Variants in FAF2 observed in about 807,000 individuals in gnomAD.
FAF2 encodes FAS-associated factor 2.
A neutral mutation model predicts 62.3 loss-of-function variants in FAF2; 9 were observed. That is an observed-to-expected ratio of 0.14 (90% CI 0.09 to 0.25). FAF2 has a LOEUF of 0.25. FAF2 is among the 10% of genes least tolerant of loss of function. FAF2 has a pLI of 1.00. For missense variants in FAF2, 368 were observed against 556.2 expected, an observed-to-expected ratio of 0.66 and a Z score of 3.40; for synonymous variants, 202 against 198.0, an observed-to-expected ratio of 1.02 and a Z score of -0.17.
chr5:176,500,212 G>T, intron 10 of FAF2, 66 bp downstream of exon 10: 1 of 1,494,862 alleles, frequency 6.7e-7, no homozygotes, highest in South Asian at 1.2e-5. Flanking sequence ...AGCTTTTACT[G>T]ACTCTTGAGA....
At chr5:176,466,444 G>C (rs1371515020) in intron 1 of FAF2, among the ~76,000 whole-genome samples, 3 of 152,186 alleles carry the variant, frequency 2.0e-5, no homozygotes, top group African/African-American at 7.2e-5. Context: ...TCTCAGCTGA[G>C]ATTTCACACC....
At position 176,494,244 on chromosome 5, in the gene FAF2, A is replaced by G. The variant is rs141184781; in HGVS notation, c.630A>G (p.Ala210=). Residue 210 remains alanine, a synonymous_variant, in exon 7 of 11, where the codon GCA becomes GCG. Transcript: ENST00000261942. The surrounding 1 kb of genome is among the most constrained non-coding windows in gnomAD (Gnocchi z 4.0). ...TAAACACTAGGATGCTCTTCTGGGC[A>G]TGCTCTACAAACAAACCTGAGGGAT... ...SLINTRMLFW[A]CSTNKPEGYR... 62 of 1,613,914 alleles carry G rather than the reference A, an allele frequency of 3.8e-5. No homozygotes were observed. The African/African-American group carries it at 7.2e-4, about 19-fold the overall frequency.
At chr5:176,497,963 A>G (rs985594277) in intron 8 of FAF2, among the ~76,000 whole-genome samples, 2 of 152,310 alleles carry the variant, frequency 1.3e-5, no homozygotes, top group East Asian at 3.9e-4. Context: ...CAGCCCGGGC[A>G]ACATGGTGAA....
At chr5:176,449,657 A>C (rs971699744) in intron 1 of FAF2, among the ~76,000 whole-genome samples, 2 of 152,200 alleles carry the variant, frequency 1.3e-5, no homozygotes, top group Non-Finnish European at 2.9e-5. Context: ...GTAGACTGCA[A>C]AATGCCCCCA....
chr5:176,504,283 C>T (rs1205389450), intron 10 of FAF2, among the ~76,000 whole-genome samples: 2 of 152,004 alleles, frequency 1.3e-5, no homozygotes, highest in East Asian at 1.9e-4. Flanking sequence ...CGAGACCAGC[C>T]TAATGAAACC....
intron 2 of FAF2, among the ~76,000 whole-genome samples, chr5:176,481,201 C>T (rs1033423803): frequency 1.3e-5 from 2 of 152,074 alleles, no homozygotes; most frequent in Non-Finnish European, 2.9e-5. Flanking sequence ...TGTGCACCAC[C>T]ACGCCCGGCT....
At chr5:176,451,890 ATATTTTTTTTTT>A (rs1473043353) in intron 1 of FAF2, among the ~76,000 whole-genome samples, 4,530 of 34,072 alleles carry the variant, frequency 0.13, 358 homozygotes, top group South Asian at 0.27. Context: ...ATATATATAT[ATATTTTTTTTTT>A]TTTTTTTTTT....
At chr5:176,455,023 G>T (rs921772025) in intron 1 of FAF2, among the ~76,000 whole-genome samples, 1 of 151,946 alleles carries the variant, frequency 6.6e-6, no homozygotes, top group Non-Finnish European at 1.5e-5. Context: ...AGTTTTCATC[G>T]ATACGAAAAC....
chr5:176,484,452 C>T (rs1346452358), intron 2 of FAF2, among the ~76,000 whole-genome samples: 1 of 152,188 alleles, frequency 6.6e-6, no homozygotes, highest in Non-Finnish European at 1.5e-5. Context: ...CAGTTAGTAG[C>T]CGTTATCAGA....
intron 8 of FAF2, among the ~76,000 whole-genome samples, chr5:176,498,358 G>C (rs1755535447): frequency 6.6e-6 from 1 of 152,120 alleles, no homozygotes; most frequent in Non-Finnish European, 1.5e-5. Context: ...GATAAAATCT[G>C]TTCAACTATT....
At chr5:176,471,931 CG>C (rs1431779395) in intron 1 of FAF2, among the ~76,000 whole-genome samples, 1 of 152,024 alleles carries the variant, frequency 6.6e-6, no homozygotes, top group East Asian at 1.9e-4. Flanking sequence ...TCGCCCCCCT[CG>C]GTCTCCCAAA....
intron 2 of FAF2, among the ~76,000 whole-genome samples, chr5:176,481,815 G>A (rs1758787786): frequency 6.6e-6 from 1 of 152,094 alleles, no homozygotes; most frequent in Non-Finnish European, 1.5e-5. Flanking sequence ...TACCACACCG[G>A]GCCCTAGCGT....
chr5:176,459,250 CTTT>C (rs11386560), intron 1 of FAF2, among the ~76,000 whole-genome samples: 140 of 116,436 alleles, frequency 1.2e-3, no homozygotes, highest in African/African-American at 4.3e-3. Context: ...TCCAGTTAAC[CTTT>C]TTTTTTTTTT....
At chr5:176,470,524 C>T (rs1758547736) in intron 1 of FAF2, among the ~76,000 whole-genome samples, 2 of 152,366 alleles carry the variant, frequency 1.3e-5, no homozygotes, top group South Asian at 4.1e-4. Flanking sequence ...TTGTGGTGAG[C>T]CAAGATCGCG....
At chr5:176,451,817 T>TATATATATAC (rs1561813426) in intron 1 of FAF2, among the ~76,000 whole-genome samples, 4 of 7,670 alleles carry the variant, frequency 5.2e-4, no homozygotes, top group African/African-American at 1.1e-3. Context: ...TATACACACA[T>TATATATATAC]ATATATATAT....
At chr5:176,452,338 G>T (rs1035240429) in intron 1 of FAF2, among the ~76,000 whole-genome samples, 1 of 152,096 alleles carries the variant, frequency 6.6e-6, no homozygotes, top group African/African-American at 2.4e-5. Flanking sequence ...GATTACAGGC[G>T]TGAGCCACCG....
chr5:176,466,403 C>A lies in FAF2; in HGVS notation c.64-12785C>A, dbSNP rs960659773. Among the ~76,000 whole-genome samples, 3 of 152,208 alleles carry A rather than the reference C, an allele frequency of 2.0e-5. 1 individual carries two copies. The South Asian group carries it at 6.2e-4, about 31-fold the overall frequency. On this transcript the variant is annotated intron_variant, in intron 1 of 10. Coordinates refer to ENST00000261942, the MANE Select transcript of FAF2 (RefSeq NM_014613.3). ...TGCATTCTTAGCAAGCTAAAACCAACAAGCCAATTGGAATTTAGAGAGTAC... is the reference window on the plus strand; with the variant it reads ...TGCATTCTTAGCAAGCTAAAACCAAAAAGCCAATTGGAATTTAGAGAGTAC...
intron 10 of FAF2, among the ~76,000 whole-genome samples, chr5:176,505,260 G>C (rs1460639211): frequency 6.6e-6 from 1 of 152,180 alleles, no homozygotes; most frequent in Non-Finnish European, 1.5e-5. Flanking sequence ...AGATGGAGAG[G>C]CCACAGAGCA....
At chr5:176,484,634 T>C (rs550291791) in intron 2 of FAF2, among the ~76,000 whole-genome samples, 1 of 152,264 alleles carries the variant, frequency 6.6e-6, no homozygotes, top group African/African-American at 2.4e-5. Flanking sequence ...GGCTCATGCC[T>C]GTAATCCCAG....
Sources: gnomAD v4.1 joint callset for allele counts (sites outside exome capture counted in the v4.1 genomes callset) on GRCh38, gnomAD v4.1.1 for gene constraint, Gnocchi (gnomAD v3.1) non-coding constraint, MANE v1.5 for transcripts, NCBI Gene and HGNC (gene_info 2026-07-23, HGNC 2026-07-21) for gene names.